The following SNX24 variants were observed in gnomAD, a reference collection of about 807,000 sequenced individuals.
SNX24 encodes the protein sorting nexin 24.
SNX24 carries 22 observed loss-of-function variants against 28.7 expected under a neutral mutation model. That is an observed-to-expected ratio of 0.77 (90% CI 0.55 to 1.10). SNX24 has a LOEUF of 1.10. Ranked by LOEUF, SNX24 falls within the 50% of genes least tolerant of loss-of-function variation. The pLI, the probability that SNX24 is intolerant of heterozygous loss-of-function variation, is 0.00. For synonymous variants in SNX24, 69 were observed against 71.5 expected (o/e 0.96, Z 0.18); for missense variants, 221 against 201.1 (o/e 1.10, Z -0.60).
chr5:122,974,562 G>C (rs187672433), intron 3 of SNX24, among the ~76,000 whole-genome samples: 3 of 152,364 alleles, frequency 2.0e-5, no homozygotes. Flanking sequence ...ACCAGGAAAT[G>C]TGTTAATTTG....
intron 1 of SNX24, among the ~76,000 whole-genome samples, chr5:122,903,696 A>G (rs996188252): frequency 5.3e-5 from 8 of 152,120 alleles, no homozygotes; most frequent in African/African-American, 1.9e-4. Flanking sequence ...ATTAACCTTA[A>G]GTTTTGGTTT....
chr5:122,962,163 C>A (rs1224932261), intron 3 of SNX24, among the ~76,000 whole-genome samples: 1 of 152,020 alleles, frequency 6.6e-6, no homozygotes. Flanking sequence ...CATTTTATTT[C>A]TCCCAGTGAT....
intron 1 of SNX24, among the ~76,000 whole-genome samples, chr5:122,884,288 G>C (rs1756607558): frequency 8.8e-6 from 1 of 113,802 alleles, no homozygotes; most frequent in African/African-American, 3.5e-5. Flanking sequence ...GAGTCTCGCT[G>C]TTGCCTAGGC....
At chr5:122,893,300 G>A (rs919843797) in intron 1 of SNX24, among the ~76,000 whole-genome samples, 1 of 148,626 alleles carries the variant, frequency 6.7e-6, no homozygotes, top group Non-Finnish European at 1.5e-5. Context: ...TTTTTTTGAT[G>A]ACCATTTCTT....
chr5:122,922,553 T>C (rs1758482779), intron 1 of SNX24, among the ~76,000 whole-genome samples: 1 of 151,982 alleles, frequency 6.6e-6, no homozygotes, highest in Admixed American at 6.5e-5. Context: ...TCGCCTGGCA[T>C]TGGTCTTTTT....
chr5:122,972,178 C>G (rs1760986921), intron 3 of SNX24, among the ~76,000 whole-genome samples: 1 of 152,204 alleles, frequency 6.6e-6, no homozygotes, highest in African/African-American at 2.4e-5. Context: ...AGATGGCAAT[C>G]TTAACTTCCA....
chr5:123,016,381 C>G (rs1327250162), intron 5 of SNX24, among the ~76,000 whole-genome samples: 2 of 152,026 alleles, frequency 1.3e-5, no homozygotes, highest in African/African-American at 4.8e-5. Flanking sequence ...TTACAAAGCC[C>G]CAAATCAGAA....
intron 3 of SNX24, chr5:122,948,468 A>G (rs966364728): frequency 1.3e-5 from 2 of 152,198 alleles, no homozygotes; most frequent in Admixed American, 6.5e-5. Flanking sequence ...CCTCCAAGCC[A>G]TAGCATCTTA....
At chr5:122,901,641 A>T (rs1466171649) in intron 1 of SNX24, among the ~76,000 whole-genome samples, 1 of 151,930 alleles carries the variant, frequency 6.6e-6, no homozygotes, top group Non-Finnish European at 1.5e-5. Flanking sequence ...CTCACTCTTG[A>T]CTTTTGTCTC....
chr5:122,876,147 A>G (rs1004646469), intron 1 of SNX24, among the ~76,000 whole-genome samples: 3 of 152,156 alleles, frequency 2.0e-5, no homozygotes, highest in African/African-American at 7.2e-5. Context: ...GCCTGGCCCC[A>G]TTGCTTTTCT....
At chr5:122,999,360 C>CA (rs1382351488) in intron 3 of SNX24, among the ~76,000 whole-genome samples, 2 of 151,852 alleles carry the variant, frequency 1.3e-5, no homozygotes, top group East Asian at 3.9e-4. Flanking sequence ...ATTCTAATGC[C>CA]AAAACAGGTG....
At chr5:122,958,699 G>A (rs928912344) in intron 3 of SNX24, among the ~76,000 whole-genome samples, 10 of 144,214 alleles carry the variant, frequency 6.9e-5, no homozygotes, top group African/African-American at 2.6e-5. Flanking sequence ...ATACTTTATA[G>A]TCTTTTTATT....
chr5:122,863,044 A>C (rs1755549109), intron 1 of SNX24, among the ~76,000 whole-genome samples: 1 of 152,258 alleles, frequency 6.6e-6, no homozygotes, highest in Admixed American at 6.5e-5. Context: ...GGGATACAGT[A>C]ATGAACAAAA....
chr5:122,930,732 G>T (rs1453482818), intron 1 of SNX24, among the ~76,000 whole-genome samples: 1 of 152,094 alleles, frequency 6.6e-6, no homozygotes, highest in Non-Finnish European at 1.5e-5. Flanking sequence ...TTTCATCCAT[G>T]ATCTTCCTGA....
downstream of SNX24, among the ~76,000 whole-genome samples, chr5:123,009,895 G>T (rs1049505264): frequency 6.6e-6 from 1 of 152,222 alleles, no homozygotes; most frequent in Non-Finnish European, 1.5e-5. Context: ...GAGTTAGGGG[G>T]CTGTGAGCGA....
intron 4 of SNX24, among the ~76,000 whole-genome samples, 164 bp from the exon 5 acceptor site, chr5:123,001,241 A>G (rs1194321910): frequency 6.6e-6 from 1 of 152,234 alleles, no homozygotes; most frequent in East Asian, 1.9e-4. Flanking sequence ...ATTCCTTAGA[A>G]TGGGGCATAG....
At chr5:122,906,268 C>T (rs1462707377) in intron 1 of SNX24, among the ~76,000 whole-genome samples, 1 of 152,192 alleles carries the variant, frequency 6.6e-6, no homozygotes, top group Admixed American at 6.5e-5. Flanking sequence ...ACCTGGCTCA[C>T]TCTGGGTTCC....
chr5:122,972,554 G>C (rs778589885), intron 3 of SNX24, among the ~76,000 whole-genome samples: 1 of 152,220 alleles, frequency 6.6e-6, no homozygotes, highest in Non-Finnish European at 1.5e-5. Flanking sequence ...AAAATTGTAA[G>C]ACCAGTGAAT....
At chr5:122,927,365 A>C (rs914128278) in intron 1 of SNX24, among the ~76,000 whole-genome samples, 53 of 146,772 alleles carry the variant, frequency 3.6e-4, no homozygotes, top group Non-Finnish European at 6.5e-4. Flanking sequence ...TAATTTGTGC[A>C]TATTTGGGAC....
Sources: gnomAD v4.1 joint callset for allele counts (sites outside exome capture counted in the v4.1 genomes callset) on GRCh38, gnomAD v4.1.1 for gene constraint, MANE v1.5 for transcripts, NCBI Gene and HGNC (gene_info 2026-07-23, HGNC 2026-07-21) for gene names.